Variants in ANKLE2 observed in about 807,000 individuals in gnomAD.
ANKLE2 encodes ankyrin repeat and LEM domain containing 2.
A neutral mutation model predicts 84.2 loss-of-function variants in ANKLE2; 55 were observed. The ratio of observed to expected loss-of-function variants is 0.65; its 90% CI spans 0.53 to 0.82. ANKLE2 has a LOEUF of 0.82. Among genes scored for constraint, ANKLE2 ranks in the 40% least tolerant of loss-of-function variants. The pLI is 0.00. For synonymous variants in ANKLE2, 551 were observed against 486.1 expected, an observed-to-expected ratio of 1.13 and a Z score of -1.76; for missense variants, 1,238 against 1,201.9, an observed-to-expected ratio of 1.03 and a Z score of -0.44.
intron 9 of ANKLE2, chr12:132,734,864 C>T: frequency 2.4e-6 from 1 of 411,688 alleles, no homozygotes; most frequent in Non-Finnish European, 4.3e-6. Context: ...CCAGGTCACA[C>T]AGTTCAACTC....
Position 132,735,445 on chromosome 12 carries a change from T to C in ANKLE2, c.1661A>G (p.Lys554Arg). Residue 554 changes from lysine to arginine, a missense_variant, in exon 9 of 13, where the codon AAG (lysine) becomes AGG (arginine). Coordinates refer to ENST00000357997, the MANE Select transcript of ANKLE2 (RefSeq NM_015114.3). ...REKAGFLHHV[K>R]KSDPERGFER... ...AAAGCCTCTTTCCGGGTCCGACTTCTTGACGTGGTGAAGGAAGCCTGCTTT... is the reference window on the plus strand; with the variant it reads ...AAAGCCTCTTTCCGGGTCCGACTTCCTGACGTGGTGAAGGAAGCCTGCTTT... 6.2e-7 allele frequency: 1 copy of C among 1,614,142 alleles called. No homozygotes were observed. The highest frequency in any genetic ancestry group is 8.5e-7 in the Non-Finnish European group (1 of 1,180,034).
chr12:132,737,189 G>T, intron 7 of ANKLE2, 124 bp from the exon 8 acceptor site: 1 of 1,060,864 alleles, frequency 9.4e-7, no homozygotes, highest in Non-Finnish European at 1.3e-6. Flanking sequence ...AACAGACGGG[G>T]CAGAGGGTGG....
chr12:132,736,997 G>A lies in ANKLE2; in HGVS notation c.1489C>T (p.Pro497Ser). The change falls in exon 8 of 13, where the codon CCA (proline) becomes TCA (serine). Residue 497 changes from proline (P) to serine (S), a missense_variant. Coordinates refer to ENST00000357997, the MANE Select transcript of ANKLE2 (RefSeq NM_015114.3). ...SSPVIGELWS[P>S]DQTAEASHVS... ...TGAGAGGCCTCAGCCGTCTGGTCTGGGGACCACAGCTCCCCGATGACTGGA... is the reference window on the plus strand; with the variant it reads ...TGAGAGGCCTCAGCCGTCTGGTCTGAGGACCACAGCTCCCCGATGACTGGA... 1.2e-6 allele frequency: 2 copies of A among 1,613,560 alleles called. No individual in the cohort carries two copies. Among genetic ancestry groups the A allele is most frequent in the Non-Finnish European group, 1.7e-6 (2 of 1,179,652 alleles).
At chr12:132,737,766 CT>C (rs887027548) in intron 7 of ANKLE2, 25 of 150,988 alleles carry the variant, frequency 1.7e-4, no homozygotes, top group African/African-American at 5.9e-4. Flanking sequence ...TTTTTCTCCT[CT>C]TAGTTTCAGA....
At chr12:132,761,444 G>C in intron 1 of ANKLE2, 174 bp downstream of exon 1, 1 of 512,824 alleles carries the variant, frequency 1.9e-6, no homozygotes, top group Non-Finnish European at 2.9e-6. Flanking sequence ...CCAAGTCCCC[G>C]CAACTGCCCT....
chr12:132,739,174 G>A (rs1441324912), intron 7 of ANKLE2, among the ~76,000 whole-genome samples: 1 of 152,138 alleles, frequency 6.6e-6, no homozygotes, highest in African/African-American at 2.4e-5. Flanking sequence ...TGATCACCAG[G>A]TGAAATAATC....
chr12:132,758,017 T>C (rs1482440220), intron 1 of ANKLE2: 1 of 150,398 alleles, frequency 6.6e-6, no homozygotes, highest in Non-Finnish European at 1.5e-5. Flanking sequence ...GCCACAGATA[T>C]ACATAAACAA....
chr12:132,751,053 A>C, intron 2 of ANKLE2: 1 of 570,042 alleles, frequency 1.8e-6, no homozygotes, highest in Non-Finnish European at 3.1e-6. Context: ...ATATGCATGT[A>C]ACATGATATA....
At chr12:132,753,645 G>A (rs968885718) in intron 2 of ANKLE2, among the ~76,000 whole-genome samples, 1 of 151,966 alleles carries the variant, frequency 6.6e-6, no homozygotes, top group Non-Finnish European at 1.5e-5. Flanking sequence ...GGTGGCGGGC[G>A]CCTGTAGTTC....
chr12:132,741,876 G>A (rs959996065), intron 6 of ANKLE2: 9 of 462,232 alleles, frequency 1.9e-5, no homozygotes, highest in Non-Finnish European at 3.5e-5. Context: ...TGTGAGGCTG[G>A]GTCAAGGTGG....
At chr12:132,746,633 G>A (rs571743285) in intron 5 of ANKLE2, among the ~76,000 whole-genome samples, 67 of 152,020 alleles carry the variant, frequency 4.4e-4, no homozygotes, top group Non-Finnish European at 7.5e-4. Context: ...TTAATGCAGT[G>A]GACTTTTCAA....
At chr12:132,756,907 G>T (rs1312274873) in intron 1 of ANKLE2, 1 of 151,462 alleles carries the variant, frequency 6.6e-6, no homozygotes, top group African/African-American at 2.4e-5. Flanking sequence ...CTCCAGCCTG[G>T]GCAACAGAGC....
Position 132,737,051 on chromosome 12 carries a change from G to T in ANKLE2, c.1435C>A (p.Pro479Thr). The T allele has an allele frequency of 6.2e-7, 1 of 1,601,414 alleles. No homozygotes were observed. Among genetic ancestry groups the T allele is most frequent in the Non-Finnish European group, 8.5e-7 (1 of 1,170,762 alleles). Residue 479 changes from proline to threonine, a missense_variant, in exon 8 of 13, where the codon CCC becomes ACC. This residue lies in a region of ANKLE2 where 802 missense variants were observed against 774.5 expected (regional missense o/e 1.04). Transcript: ENST00000357997. ...REYLKGHYYV[P>T]LLRAEETSSP... ...GAAGTCTCTTCCGCTCTCAGGAGGG[G>T]CACGTAGTAGTGGCCTGAGGGAGGA...
At chr12:132,747,593 C>G (rs1057396689) in intron 5 of ANKLE2, among the ~76,000 whole-genome samples, 1 of 152,184 alleles carries the variant, frequency 6.6e-6, no homozygotes, top group African/African-American at 2.4e-5. Context: ...CCAGACAGTT[C>G]AGACACCCTC....
Position 132,727,176 on chromosome 12 carries a change from T to C in ANKLE2, c.*66A>G. ...CAGAATATATTCCTTTTTGACAGTT[T>C]AGCAATAAACATATGACCCTTCCTT... On this transcript the variant is annotated 3_prime_UTR_variant, in exon 13 of 13. Coordinates refer to ENST00000357997, the MANE Select transcript of ANKLE2 (RefSeq NM_015114.3). 6 of 1,418,016 alleles carry C rather than the reference T, an allele frequency of 4.2e-6. No homozygotes were observed. Among genetic ancestry groups the C allele is most frequent in the Non-Finnish European group, 4.7e-6 (5 of 1,070,152 alleles). The allele number at this position is 1,418,016 out of a possible 1,614,324, so 87.8% of individuals were successfully genotyped here.
chr12:132,735,116 C>T (rs1192018074), intron 9 of ANKLE2: 8 of 444,780 alleles, frequency 1.8e-5, no homozygotes, highest in South Asian at 1.3e-4. Context: ...TTATATGGTA[C>T]CTTCTATAAA....
chr12:132,736,478 C>T (rs1251449385), intron 8 of ANKLE2, among the ~76,000 whole-genome samples: 4 of 152,184 alleles, frequency 2.6e-5, no homozygotes, highest in Non-Finnish European at 5.9e-5. Flanking sequence ...AGGAAGCCAG[C>T]GGGGGCTGCA....
At chr12:132,751,890 T>A (rs965549562) in intron 2 of ANKLE2, among the ~76,000 whole-genome samples, 2 of 151,996 alleles carry the variant, frequency 1.3e-5, no homozygotes, top group Admixed American at 6.6e-5. Context: ...AACAAGATAA[T>A]CCTGATTATA....
chr12:132,752,580 A>G (rs553856100), intron 2 of ANKLE2, among the ~76,000 whole-genome samples: 4 of 152,052 alleles, frequency 2.6e-5, no homozygotes, highest in Non-Finnish European at 2.9e-5. Flanking sequence ...CGTGTTAGCC[A>G]GGATGGTCTC....
Sources: gnomAD v4.1 joint callset for allele counts (sites outside exome capture counted in the v4.1 genomes callset) on GRCh38, gnomAD v4.1.1 for gene constraint, gnomAD v4.1.1 regional missense constraint, MANE v1.5 for transcripts, NCBI Gene and HGNC (gene_info 2026-07-23, HGNC 2026-07-21) for gene names.